Variants in UNC13B observed in about 807,000 individuals in gnomAD.
The protein encoded by UNC13B is unc-13 homolog B, also known as protein unc-13 homolog B.
In UNC13B, 144 loss-of-function variants were observed where a neutral mutation model predicts 211.0. The ratio of observed to expected loss-of-function variants is 0.68; its 90% confidence interval spans 0.60 to 0.78. UNC13B has a LOEUF of 0.78. Ranked by LOEUF, UNC13B falls within the 30% of genes least tolerant of loss-of-function variation. UNC13B has a pLI of 0.00. For missense variants in UNC13B, 1,777 were observed against 2,002.0 expected (o/e 0.89, Z 2.14); for synonymous variants, 709 against 725.8 (o/e 0.98, Z 0.37).
At chr9:35,324,787 T>A (rs1175400042) in intron 11 of UNC13B, among the ~76,000 whole-genome samples, 1 of 152,226 alleles carries the variant, frequency 6.6e-6, no homozygotes, top group East Asian at 1.9e-4. Context: ...CAATGCTCTT[T>A]TCATATAAAT....
chr9:35,353,884 G>A (rs1832871597), intron 11 of UNC13B: 2 of 968,376 alleles, frequency 2.1e-6, no homozygotes, highest in Non-Finnish European at 2.7e-6. Flanking sequence ...ATGAGACCTG[G>A]TGTGGTGGCC....
chr9:35,271,842 C>T (rs1365519953), intron 7 of UNC13B, among the ~76,000 whole-genome samples: 3 of 152,192 alleles, frequency 2.0e-5, no homozygotes, highest in Non-Finnish European at 2.9e-5. Context: ...GAGATGACTA[C>T]TTACATCAAA....
At chr9:35,278,678 A>G (rs547166883) in intron 7 of UNC13B, among the ~76,000 whole-genome samples, 1 of 151,442 alleles carries the variant, frequency 6.6e-6, no homozygotes, top group South Asian at 2.1e-4. Flanking sequence ...CTGGAGTTCC[A>G]TAGGTAGCTG....
At chr9:35,308,534 C>T (rs375374176) in intron 9 of UNC13B, 122 bp downstream of exon 9, 13 of 396,368 alleles carry the variant, frequency 3.3e-5, no homozygotes, top group African/African-American at 2.1e-4. Context: ...TCCTAGTACC[C>T]GAGCTTCATG....
At chr9:35,295,393 A>G (rs1829300805) in intron 7 of UNC13B, among the ~76,000 whole-genome samples, 1 of 152,174 alleles carries the variant, frequency 6.6e-6, no homozygotes, top group Admixed American at 6.5e-5. Flanking sequence ...AATTATGGTT[A>G]TGATAGTTGG....
intron 8 of UNC13B, 116 bp downstream of exon 8, chr9:35,296,046 C>T: frequency 1.1e-6 from 1 of 880,258 alleles, no homozygotes; most frequent in South Asian, 1.8e-5. Context: ...AGCAGTATCA[C>T]CGGCCAAACT....
chr9:35,164,994 C>A (rs1820956956), intron 1 of UNC13B, among the ~76,000 whole-genome samples: 1 of 152,132 alleles, frequency 6.6e-6, no homozygotes, highest in Admixed American at 6.5e-5. Flanking sequence ...ATTTTGTGTT[C>A]AGCTGTGGTA....
chr9:35,372,149 G>A (rs1041243467), intron 13 of UNC13B, among the ~76,000 whole-genome samples: 2 of 152,200 alleles, frequency 1.3e-5, no homozygotes, highest in Admixed American at 1.3e-4. Context: ...GCGAGTACCT[G>A]TAATCTCAGC....
intron 8 of UNC13B, among the ~76,000 whole-genome samples, chr9:35,298,473 C>A (rs1385187813): frequency 6.6e-6 from 1 of 152,128 alleles, no homozygotes; most frequent in Admixed American, 6.6e-5. Flanking sequence ...TTTTCTTGCC[C>A]ACCTCACCAA....
chr9:35,395,686 G>T (rs1835824518), intron 26 of UNC13B, among the ~76,000 whole-genome samples: 1 of 152,144 alleles, frequency 6.6e-6, no homozygotes, highest in Non-Finnish European at 1.5e-5. Flanking sequence ...TATGGGTGTG[G>T]CCAGTGCTCC....
chr9:35,328,230 G>C (rs960630376), intron 11 of UNC13B, among the ~76,000 whole-genome samples: 2 of 151,978 alleles, frequency 1.3e-5, no homozygotes, highest in South Asian at 4.1e-4. Flanking sequence ...GACCGTGTTG[G>C]CCAGGCTGGT....
intron 11 of UNC13B, chr9:35,352,843 T>C (rs1832803541): frequency 1.6e-6 from 2 of 1,232,062 alleles, no homozygotes; most frequent in Admixed American, 4.2e-5. Flanking sequence ...AGGAGGCTTC[T>C]GGGAAGTCCC....
chr9:35,316,763 C>T (rs557531378), intron 11 of UNC13B, among the ~76,000 whole-genome samples: 2 of 152,078 alleles, frequency 1.3e-5, no homozygotes, highest in Non-Finnish European at 2.9e-5. Context: ...TATGTTGGAA[C>T]CAATTGCTCT....
intron 11 of UNC13B, among the ~76,000 whole-genome samples, chr9:35,363,986 C>T (rs920503153): frequency 6.6e-6 from 1 of 152,192 alleles, no homozygotes; most frequent in Non-Finnish European, 1.5e-5. Context: ...CAGGCCCTAC[C>T]CTGGTCCAAC....
chr9:35,377,581 G>A lies in UNC13B; in HGVS notation c.9949G>A (p.Val3317Ile). 2 of 1,614,258 alleles carry A rather than the reference G, an allele frequency of 1.2e-6. No homozygotes were observed. Among genetic ancestry groups the A allele is most frequent in the Non-Finnish European group, 1.7e-6 (2 of 1,180,048 alleles). ...GCGAAATAAGCCAGAGATCTTTGAA[G>A]TTATCCGGGACGTCTTCACAGTGAA... Reference protein sequence around the residue: ...RERNKPEIFEVIRDVFTVNKA... With the variant: ...RERNKPEIFEIIRDVFTVNKA... The change falls in exon 16 of 40, where the codon GTT becomes ATT. Residue 3317 changes from valine (V) to isoleucine (I), a missense_variant. By Grantham distance (29) the Val-to-Ile change is conservative. Coordinates refer to ENST00000635942, the MANE Select transcript of UNC13B (RefSeq NM_001371189.2).
intron 11 of UNC13B, among the ~76,000 whole-genome samples, chr9:35,320,205 G>A (rs1228103807): frequency 6.6e-6 from 1 of 151,958 alleles, no homozygotes; most frequent in African/African-American, 2.4e-5. Flanking sequence ...AATATATGAG[G>A]GTATGTGTTT....
At chr9:35,321,100 T>TC (rs1259337805) in intron 11 of UNC13B, among the ~76,000 whole-genome samples, 2 of 152,056 alleles carry the variant, frequency 1.3e-5, no homozygotes, top group Non-Finnish European at 2.9e-5. Context: ...ACATTTTTTT[T>TC]CTCACTTTGT....
intron 11 of UNC13B, among the ~76,000 whole-genome samples, chr9:35,330,031 C>T (rs1831279004): frequency 6.6e-6 from 1 of 152,142 alleles, no homozygotes; most frequent in South Asian, 2.1e-4. Flanking sequence ...TTGTTACTAA[C>T]AAAATTTAGG....
At chr9:35,385,274 C>T (rs893724607) in intron 22 of UNC13B, 9 of 985,324 alleles carry the variant, frequency 9.1e-6, no homozygotes, top group Non-Finnish European at 1.1e-5. Flanking sequence ...GAGCTGGGTT[C>T]TATTGTACAA....
Sources: gnomAD v4.1 joint callset for allele counts (sites outside exome capture counted in the v4.1 genomes callset) on GRCh38, gnomAD v4.1.1 for gene constraint, MANE v1.5 for transcripts, NCBI Gene and HGNC (gene_info 2026-07-23, HGNC 2026-07-21) for gene names.